DGKB: variants seen among roughly 807,000 people sequenced by gnomAD.
The protein encoded by DGKB is diacylglycerol kinase beta, also known as 90 kDa diacylglycerol kinase.
A neutral mutation model predicts 114.3 loss-of-function variants in DGKB; 67 were observed. The ratio of observed to expected loss-of-function variants is 0.59; its 90% confidence interval spans 0.48 to 0.72. The LOEUF is 0.72. Among genes scored for constraint, DGKB ranks in the 30% least tolerant of loss-of-function variants. The pLI is 0.00. For synonymous variants in DGKB, 398 were observed against 323.1 expected (o/e 1.23, Z -2.49); for missense variants, 907 against 975.2 (o/e 0.93, Z 0.93).
chr7:14,408,327 T>C (rs1450171967), intron 21 of DGKB, among the ~76,000 whole-genome samples: 1 of 152,070 alleles, frequency 6.6e-6, no homozygotes, highest in Non-Finnish European at 1.5e-5. Flanking sequence ...ATTTTTGTCT[T>C]GGAGGGAGTA....
chr7:14,943,049 A>C (rs1225208131), intron 1 of DGKB, among the ~76,000 whole-genome samples: 2 of 151,918 alleles, frequency 1.3e-5, no homozygotes, highest in African/African-American at 2.4e-5. Context: ...ATTGCTCATT[A>C]AATATTCGTT....
intron 23 of DGKB, chr7:14,191,984 G>T: frequency 1.6e-6 from 1 of 610,638 alleles, no homozygotes; most frequent in South Asian, 1.5e-5. Context: ...TATGGTTCCT[G>T]GCAAGCTCCT....
intron 6 of DGKB, among the ~76,000 whole-genome samples, chr7:14,703,504 T>A (rs1285482664): frequency 6.6e-6 from 1 of 152,194 alleles, no homozygotes; most frequent in Non-Finnish European, 1.5e-5. Flanking sequence ...ATACCTTTTC[T>A]TTACTAGCCT....
At chr7:14,425,509 T>A (rs1179719068) in intron 21 of DGKB, among the ~76,000 whole-genome samples, 1 of 152,110 alleles carries the variant, frequency 6.6e-6, no homozygotes. Context: ...GTCATAAATT[T>A]AAAAATTTAT....
intron 2 of DGKB, among the ~76,000 whole-genome samples, chr7:14,836,381 G>C (rs1015329897): frequency 6.6e-6 from 1 of 152,132 alleles, no homozygotes; most frequent in African/African-American, 2.4e-5. Context: ...AAAATAATTT[G>C]CATGCTATAT....
chr7:14,972,123 A>G (rs1287582836), intron 1 of DGKB, among the ~76,000 whole-genome samples: 1 of 152,162 alleles, frequency 6.6e-6, no homozygotes. Context: ...ATTAGGTTCT[A>G]GTTGTGAAAA....
intron 23 of DGKB, among the ~76,000 whole-genome samples, chr7:14,216,908 T>C (rs1789077311): frequency 6.6e-6 from 1 of 152,118 alleles, no homozygotes; most frequent in Non-Finnish European, 1.5e-5. Flanking sequence ...TGAATGATTT[T>C]TTGTTTCTTT....
intron 20 of DGKB, among the ~76,000 whole-genome samples, chr7:14,489,896 A>AG (rs950606334): frequency 6.6e-6 from 1 of 152,192 alleles, no homozygotes; most frequent in East Asian, 1.9e-4. Flanking sequence ...ATTGAGGCTA[A>AG]GGGGTCCCTT....
chr7:14,545,405 G>A (rs1162465388), intron 20 of DGKB, among the ~76,000 whole-genome samples: 3 of 152,126 alleles, frequency 2.0e-5, no homozygotes, highest in Non-Finnish European at 2.9e-5. Flanking sequence ...AAGCATGGAC[G>A]CAAAGAGATT....
upstream of DGKB, chr7:14,903,250 TG>T: frequency 1.3e-5 from 2 of 153,226 alleles, no homozygotes; most frequent in African/African-American, 4.9e-5. Context: ...TGTGTGTGTG[TG>T]TGTTGAGGAG....
intron 21 of DGKB, among the ~76,000 whole-genome samples, chr7:14,392,995 G>GTTTTTGTTTTTTTTTTTTGTTTTTTTTTT: frequency 1.7e-5 from 1 of 60,546 alleles, no homozygotes. Flanking sequence ...TTTTGTTTTT[G>GTTTTTGTTTTTTTTTTTTGTTTTTTTTTT]TTTTTTTTTT....
intron 2 of DGKB, among the ~76,000 whole-genome samples, chr7:14,794,167 C>G (rs148338610): frequency 1.3e-5 from 2 of 152,038 alleles, no homozygotes; most frequent in East Asian, 3.9e-4. Context: ...CTGAAGAACC[C>G]TCACTAACAC....
intron 4 of DGKB, among the ~76,000 whole-genome samples, chr7:14,744,977 G>C (rs1181402862): frequency 1.3e-5 from 2 of 152,124 alleles, no homozygotes; most frequent in Non-Finnish European, 2.9e-5. Flanking sequence ...CAGTTATCCT[G>C]CTAATCCTGA....
intron 21 of DGKB, among the ~76,000 whole-genome samples, chr7:14,425,553 A>G (rs1295825274): frequency 6.6e-6 from 1 of 152,220 alleles, no homozygotes; most frequent in Non-Finnish European, 1.5e-5. Flanking sequence ...TGGAACACCT[A>G]TATCCAACAT....
upstream of DGKB, among the ~76,000 whole-genome samples, chr7:14,905,183 G>A (rs1030984501): frequency 6.6e-6 from 1 of 150,706 alleles, no homozygotes; most frequent in Non-Finnish European, 1.5e-5. Context: ...TCTGGGTAGA[G>A]CTGGAAGAAC....
At chr7:14,248,179 T>C (rs1794742272) in intron 23 of DGKB, among the ~76,000 whole-genome samples, 1 of 152,136 alleles carries the variant, frequency 6.6e-6, no homozygotes, top group Admixed American at 6.5e-5. Flanking sequence ...GATTTATTTC[T>C]GGGCTATTTT....
chr7:14,282,134 AAGAG>A (rs1255661900), intron 23 of DGKB, among the ~76,000 whole-genome samples: 1 of 66,758 alleles, frequency 1.5e-5, no homozygotes, highest in Admixed American at 2.0e-4. Context: ...TAAAGAAAAA[AAGAG>A]AGAAGAATCA....
chr7:14,730,601 G>A (rs570859079), intron 5 of DGKB, among the ~76,000 whole-genome samples: 27 of 152,314 alleles, frequency 1.8e-4, no homozygotes, highest in African/African-American at 5.3e-4. Context: ...GAGATGGAGC[G>A]AATAGGGCTG....
At chr7:14,584,156 A>C (rs78021458) in intron 17 of DGKB, among the ~76,000 whole-genome samples, 2,647 of 152,302 alleles carry the variant, frequency 0.017, 34 homozygotes, top group Middle Eastern at 0.041. Flanking sequence ...TAACATATGC[A>C]TATGTCATGT....
Sources: allele counts gnomAD v4.1 joint callset (sites outside exome capture counted in the v4.1 genomes callset), GRCh38; gene constraint gnomAD v4.1.1; transcripts MANE v1.5; gene names NCBI Gene and HGNC (gene_info 2026-07-23, HGNC 2026-07-21).